Variants in THRB observed in about 807,000 individuals in gnomAD.
THRB encodes the protein nuclear receptor subfamily 1 group A member 2.
In THRB, 12 loss-of-function variants were observed where a neutral mutation model predicts 47.8. The observed-to-expected ratio is 0.25, with a 90% confidence interval of 0.16 to 0.41. The LOEUF (loss-of-function observed/expected upper bound fraction) is 0.41, where lower values mean the gene tolerates loss of function less well. Ranked by LOEUF, THRB falls within the 10% of genes least tolerant of loss-of-function variation. The pLI is 1.00. For missense variants in THRB, 348 were observed against 589.2 expected (o/e 0.59, Z 4.24); for synonymous variants, 218 against 212.2 (o/e 1.03, Z -0.24).
chr3:24,205,367 T>A (rs2045201147), intron 4 of THRB, among the ~76,000 whole-genome samples: 1 of 152,184 alleles, frequency 6.6e-6, no homozygotes, highest in Non-Finnish European at 1.5e-5. Flanking sequence ...AAGACAAGAC[T>A]TTTCAACCCA....
At chr3:24,449,781 A>G (rs1021487012) in intron 1 of THRB, among the ~76,000 whole-genome samples, 1 of 152,206 alleles carries the variant, frequency 6.6e-6, no homozygotes, top group African/African-American at 2.4e-5. Flanking sequence ...TGCTAGTTTT[A>G]GTAATAACTT....
intron 1 of THRB, among the ~76,000 whole-genome samples, chr3:24,465,741 T>C (rs1339950477): frequency 1.3e-5 from 2 of 152,178 alleles, no homozygotes; most frequent in African/African-American, 2.4e-5. Context: ...AAGTCCTGGC[T>C]GTATGCTAGT....
chr3:24,272,598 C>T (rs1408615001), intron 3 of THRB, among the ~76,000 whole-genome samples: 2 of 152,156 alleles, frequency 1.3e-5, no homozygotes, highest in African/African-American at 4.8e-5. Context: ...TTTTCCCTGG[C>T]AAGGAATTTT....
At chr3:24,304,001 T>C (rs2057147162) in intron 2 of THRB, among the ~76,000 whole-genome samples, 1 of 152,188 alleles carries the variant, frequency 6.6e-6, no homozygotes, top group African/African-American at 2.4e-5. Context: ...GGTAATATTT[T>C]ATTCCAAAGT....
intron 1 of THRB, among the ~76,000 whole-genome samples, chr3:24,469,236 C>G (rs1005715297): frequency 6.6e-6 from 1 of 152,234 alleles, no homozygotes; most frequent in Non-Finnish European, 1.5e-5. Context: ...CTATTTCACT[C>G]CAGAACCAGC....
chr3:24,366,755 G>A (rs1317946471), intron 1 of THRB, among the ~76,000 whole-genome samples: 3 of 151,676 alleles, frequency 2.0e-5, no homozygotes, highest in Non-Finnish European at 4.4e-5. Flanking sequence ...CGAGAAGCTG[G>A]GATTACAGGC....
chr3:24,474,602 T>C (rs1448569152), intron 1 of THRB, among the ~76,000 whole-genome samples: 1 of 152,202 alleles, frequency 6.6e-6, no homozygotes, highest in African/African-American at 2.4e-5. Flanking sequence ...TCAGGTTTCC[T>C]ATGTAAGGAA....
chr3:24,177,071 T>C (rs1306099093), intron 5 of THRB, among the ~76,000 whole-genome samples: 1 of 152,154 alleles, frequency 6.6e-6, no homozygotes, highest in East Asian at 1.9e-4. Flanking sequence ...TATGTTATTC[T>C]CCCAGATCTA....
intron 8 of THRB, among the ~76,000 whole-genome samples, chr3:24,142,415 T>A (rs1421079767): frequency 2.0e-5 from 3 of 152,228 alleles, no homozygotes; most frequent in Admixed American, 6.5e-5. Flanking sequence ...GAATTATGTA[T>A]AAGCCTTTTC....
chr3:24,292,541 G>A (rs1489650913), intron 3 of THRB, among the ~76,000 whole-genome samples: 1 of 152,102 alleles, frequency 6.6e-6, no homozygotes, highest in Non-Finnish European at 1.5e-5. Context: ...TCCACTGTGT[G>A]CATCACCTTG....
At chr3:24,320,285 C>T (rs2058397736) in intron 2 of THRB, among the ~76,000 whole-genome samples, 1 of 152,176 alleles carries the variant, frequency 6.6e-6, no homozygotes, top group Non-Finnish European at 1.5e-5. Context: ...AGAGATGCTC[C>T]AGAAAAATGT....
chr3:24,381,516 T>C (rs1192254375), intron 1 of THRB, among the ~76,000 whole-genome samples: 1 of 152,188 alleles, frequency 6.6e-6, no homozygotes, highest in Admixed American at 6.5e-5. Flanking sequence ...GGTGAAGCTA[T>C]ACCAGGAGAA....
chr3:24,226,747 G>A (rs1281235379), intron 4 of THRB, among the ~76,000 whole-genome samples: 5 of 152,184 alleles, frequency 3.3e-5, no homozygotes, highest in African/African-American at 1.2e-4. Flanking sequence ...ACCACCCTGG[G>A]CTCTAGAACA....
chr3:24,403,930 T>C (rs1487552583), intron 1 of THRB, among the ~76,000 whole-genome samples: 1 of 151,976 alleles, frequency 6.6e-6, no homozygotes, highest in Non-Finnish European at 1.5e-5. Context: ...ACTTGGGTGT[T>C]TCACTTTTTC....
At chr3:24,276,734 C>A (rs1019273181) in intron 3 of THRB, among the ~76,000 whole-genome samples, 3 of 152,200 alleles carry the variant, frequency 2.0e-5, no homozygotes, top group South Asian at 2.1e-4. Context: ...AATGCTATAA[C>A]AGACGTGGAG....
chr3:24,219,510 C>G (rs1269362280), intron 4 of THRB, among the ~76,000 whole-genome samples: 1 of 152,118 alleles, frequency 6.6e-6, no homozygotes, highest in Non-Finnish European at 1.5e-5. Flanking sequence ...GTTCACTGGT[C>G]AAATGCATGG....
intron 1 of THRB, among the ~76,000 whole-genome samples, chr3:24,352,775 C>T (rs1347634114): frequency 6.6e-6 from 1 of 152,080 alleles, no homozygotes; most frequent in Non-Finnish European, 1.5e-5. Context: ...TAGAAAAAGA[C>T]TTGGAAGAAA....
chr3:24,299,247 C>T (rs1162855130), intron 2 of THRB, among the ~76,000 whole-genome samples: 1 of 40,494 alleles, frequency 2.5e-5, no homozygotes, highest in Non-Finnish European at 4.2e-5. Context: ...GACTCAGTCT[C>T]ATAAAAAAAA....
intron 3 of THRB, among the ~76,000 whole-genome samples, chr3:24,231,831 A>G (rs183029779): frequency 6.6e-6 from 1 of 152,292 alleles, no homozygotes; most frequent in East Asian, 1.9e-4. Context: ...TCACCAGCAA[A>G]TCATGGGATC....
Sources: gnomAD v4.1 joint callset for allele counts (sites outside exome capture counted in the v4.1 genomes callset) on GRCh38, gnomAD v4.1.1 for gene constraint, MANE v1.5 for transcripts, NCBI Gene and HGNC (gene_info 2026-07-23, HGNC 2026-07-21) for gene names.